TRPC6: variants seen among roughly 807,000 people sequenced by gnomAD.
TRPC6 encodes the protein transient receptor potential cation channel subfamily C member 6, also known as short transient receptor potential channel 6.
TRPC6 carries 55 observed loss-of-function variants against 90.7 expected under a neutral mutation model. The observed-to-expected ratio is 0.61, with a 90% CI of 0.49 to 0.76. The LOEUF (loss-of-function observed/expected upper bound fraction) is 0.76. TRPC6 is among the 30% of genes least tolerant of loss of function. The pLI is 0.00. For synonymous variants in TRPC6, 393 were observed against 393.0 expected (o/e 1.00, Z 0.00); for missense variants, 989 against 1,122.7 (o/e 0.88, Z 1.70).
intron 1 of TRPC6, 186 bp downstream of exon 1, chr11:101,583,148 C>G (rs1256517856): frequency 5.7e-5 from 56 of 984,514 alleles, no homozygotes; most frequent in Non-Finnish European, 6.4e-5. Flanking sequence ...CCCGCCTCCC[C>G]CACTCCCCGC....
At chr11:101,492,041 G>T (rs192744622) in intron 2 of TRPC6, among the ~76,000 whole-genome samples, 3 of 151,664 alleles carry the variant, frequency 2.0e-5, no homozygotes, top group South Asian at 4.2e-4. Context: ...GGATTTCACC[G>T]TGTTAGCCAG....
chr11:101,534,299 C>T (rs1377799265), intron 1 of TRPC6, among the ~76,000 whole-genome samples: 2 of 152,142 alleles, frequency 1.3e-5, no homozygotes, highest in African/African-American at 4.8e-5. Flanking sequence ...CCATGCCTGG[C>T]TAATTTTTGT....
At chr11:101,522,662 T>C (rs1294779164) in intron 1 of TRPC6, among the ~76,000 whole-genome samples, 1 of 152,222 alleles carries the variant, frequency 6.6e-6, no homozygotes, top group Non-Finnish European at 1.5e-5. Flanking sequence ...ATTGTTTGTC[T>C]CTTTCATAAG....
At chr11:101,477,764 G>T (rs1163251718) in intron 5 of TRPC6, among the ~76,000 whole-genome samples, 4 of 152,172 alleles carry the variant, frequency 2.6e-5, no homozygotes. Flanking sequence ...AATAGTTCAT[G>T]TGAAATACAC....
Position 101,451,713 on chromosome 11 carries a change from T to C in TRPC6, c.*1242A>G, listed in dbSNP as rs1858767528. The C allele has an allele frequency of 6.6e-6, 1 of 152,238 alleles. No homozygotes were observed. The highest frequency in any genetic ancestry group is 2.4e-5 in the African/African-American group (1 of 41,458). 9.4% of individuals were successfully genotyped at this position (152,238 alleles called of 1,614,324 possible). A position where few individuals can be genotyped will look rare whatever the true frequency, so the allele number is the denominator to read the frequency against. ...ATTTAAATTAAGCCAAAGTTGGAGC[T>C]AAACAGATTTTCTGCAACCATTTCA... On this transcript the variant is annotated 3_prime_UTR_variant, in exon 13 of 13. Transcript: ENST00000344327.
intron 1 of TRPC6, among the ~76,000 whole-genome samples, chr11:101,571,708 T>A (rs1379262453): frequency 1.3e-5 from 2 of 152,014 alleles, no homozygotes; most frequent in Non-Finnish European, 2.9e-5. Flanking sequence ...GCCTCAGAAA[T>A]AGCACCACAC....
At chr11:101,551,726 G>GTGCA (rs1319963828) in intron 1 of TRPC6, among the ~76,000 whole-genome samples, 1 of 151,848 alleles carries the variant, frequency 6.6e-6, no homozygotes, top group Non-Finnish European at 1.5e-5. Context: ...CACATATTGT[G>GTGCA]TGCAAAGCAA....
intron 10 of TRPC6, among the ~76,000 whole-genome samples, chr11:101,461,959 A>T (rs980678694): frequency 6.6e-6 from 1 of 152,208 alleles, no homozygotes; most frequent in African/African-American, 2.4e-5. Flanking sequence ...TATTTCATTA[A>T]TTTAATGACC....
intron 1 of TRPC6, among the ~76,000 whole-genome samples, chr11:101,524,008 G>T (rs1237907938): frequency 6.6e-6 from 1 of 152,166 alleles, no homozygotes; most frequent in Non-Finnish European, 1.5e-5. Flanking sequence ...GCATTCCTCT[G>T]AGAGGAATAG....
At chr11:101,563,434 A>G (rs1344722602) in intron 1 of TRPC6, among the ~76,000 whole-genome samples, 3 of 152,138 alleles carry the variant, frequency 2.0e-5, no homozygotes, top group African/African-American at 7.2e-5. Context: ...CAGGGCTGAT[A>G]TGATAGAAAA....
chr11:101,522,162 A>T (rs944013220), intron 1 of TRPC6, among the ~76,000 whole-genome samples: 1 of 152,194 alleles, frequency 6.6e-6, no homozygotes, highest in Admixed American at 6.5e-5. Context: ...TCTTCACTCA[A>T]ATCTCATGTT....
chr11:101,530,587 C>T (rs1860888760), intron 1 of TRPC6, among the ~76,000 whole-genome samples: 1 of 152,198 alleles, frequency 6.6e-6, no homozygotes, highest in Admixed American at 6.5e-5. Flanking sequence ...GAAGAAGCCA[C>T]ACCTGTCTAC....
chr11:101,475,889 C>T lies in TRPC6; in HGVS notation c.1744+412G>A, dbSNP rs571464822. Among the ~76,000 whole-genome samples, 3 of 151,076 alleles carry T rather than the reference C, an allele frequency of 2.0e-5. No individual in the cohort carries two copies. In the East Asian group the frequency reaches 5.8e-4, roughly 29 times the overall value. ...ATGTGTGTACATATACATATATACA[C>T]GTGTGTGCATATATACACACACGTG... On this transcript the variant is annotated intron_variant, in intron 6 of 12. Transcript: ENST00000344327.
Position 101,583,086 on chromosome 11 carries a change from T to C in TRPC6, c.170+248A>G, listed in dbSNP as rs954989548. The C allele has an allele frequency of 6.0e-6, 5 of 837,984 alleles. No homozygotes were observed. The African/African-American group carries it at 9.2e-5, about 15-fold the overall frequency. 51.9% of individuals were successfully genotyped at this position (837,984 alleles called of 1,614,324 possible). On this transcript the variant is annotated intron_variant, in intron 1 of 12. Coordinates refer to ENST00000344327, the MANE Select transcript of TRPC6 (RefSeq NM_004621.6). ...TGGTGGTGTTACTATGCGGTCTCACTCTCGTGGGCAAACATATCCATGCGT... is the reference window on the plus strand; with the variant it reads ...TGGTGGTGTTACTATGCGGTCTCACCCTCGTGGGCAAACATATCCATGCGT...
intron 10 of TRPC6, among the ~76,000 whole-genome samples, chr11:101,464,614 G>A (rs934649958): frequency 6.6e-6 from 1 of 151,994 alleles, no homozygotes; most frequent in Non-Finnish European, 1.5e-5. Context: ...TGCAACACCT[G>A]CTTTTTTTTT....
chr11:101,566,908 C>T (rs1474737712), intron 1 of TRPC6, among the ~76,000 whole-genome samples: 1 of 152,184 alleles, frequency 6.6e-6, no homozygotes, highest in East Asian at 1.9e-4. Flanking sequence ...GTGCCTATAC[C>T]ACCAGGGCCC....
chr11:101,560,667 A>G (rs969711367), intron 1 of TRPC6, among the ~76,000 whole-genome samples: 6 of 152,080 alleles, frequency 3.9e-5, no homozygotes, highest in African/African-American at 1.4e-4. Context: ...AAAAAATAGC[A>G]TAGATCTGCC....
intron 8 of TRPC6, among the ~76,000 whole-genome samples, chr11:101,471,933 C>T (rs962265781): frequency 4.6e-5 from 7 of 152,108 alleles, no homozygotes; most frequent in Admixed American, 6.6e-5. Flanking sequence ...TTATGCCTTA[C>T]GTCTCTGCCC....
chr11:101,495,153 T>G (rs558210268), intron 2 of TRPC6, among the ~76,000 whole-genome samples: 1 of 152,290 alleles, frequency 6.6e-6, no homozygotes, highest in African/African-American at 2.4e-5. Context: ...CTATTAACCT[T>G]TGAAAAGTTG....
Sources: gnomAD v4.1 joint callset for allele counts (sites outside exome capture counted in the v4.1 genomes callset) on GRCh38, gnomAD v4.1.1 for gene constraint, MANE v1.5 for transcripts, NCBI Gene and HGNC (gene_info 2026-07-23, HGNC 2026-07-21) for gene names.